Variants in DENND1A observed in about 807,000 individuals in gnomAD.
The protein encoded by DENND1A is DENN domain containing 1A, also known as DENN domain-containing protein 1A.
Under a neutral mutation model 113.7 loss-of-function variants are expected in DENND1A, and 51 were observed. The ratio of observed to expected loss-of-function variants is 0.45; its 90% CI spans 0.36 to 0.57. The LOEUF (loss-of-function observed/expected upper bound fraction) is 0.57. DENND1A is among the 20% of genes least tolerant of loss of function. The pLI, the probability that DENND1A is intolerant of heterozygous loss-of-function variation, is 0.00. For synonymous variants in DENND1A, 565 were observed against 570.8 expected (o/e 0.99, Z 0.14); for missense variants, 1,258 against 1,395.9 (o/e 0.90, Z 1.57).
chr9:123,680,952 G>A (rs1249646136), intron 5 of DENND1A, among the ~76,000 whole-genome samples: 1 of 152,158 alleles, frequency 6.6e-6, no homozygotes, highest in African/African-American at 2.4e-5. Flanking sequence ...AGACTCAGGT[G>A]AGGGGAGGAA....
At chr9:123,854,558 G>A (rs1207591204) in intron 2 of DENND1A, among the ~76,000 whole-genome samples, 1 of 151,908 alleles carries the variant, frequency 6.6e-6, no homozygotes, top group East Asian at 1.9e-4. Context: ...AGCCGGGTAT[G>A]GTGGCATGCA....
intron 5 of DENND1A, among the ~76,000 whole-genome samples, chr9:123,709,269 A>C (rs943088041): frequency 6.6e-6 from 1 of 152,108 alleles, no homozygotes; most frequent in African/African-American, 2.4e-5. Flanking sequence ...CTCCCGACCC[A>C]GGCCCCCCTC....
Position 123,450,708 on chromosome 9 carries a change from G to T in DENND1A, c.1341C>A (p.Asn447Lys). 1 of 1,610,040 alleles carries T rather than the reference G, an allele frequency of 6.2e-7. No homozygotes were observed. Among genetic ancestry groups the T allele is most frequent in the Non-Finnish European group, 8.5e-7 (1 of 1,178,912 alleles). Residue 447 changes from asparagine (N) to lysine (K), a missense_variant, in exon 18 of 24, where the codon AAC becomes AAA. Physicochemically the swap from Asn to Lys is moderately conservative, Grantham distance 94. This residue lies in a region of DENND1A where 1,159 missense variants were observed against 1,231.7 expected (regional missense o/e 0.94). Coordinates refer to ENST00000394215, the MANE Select transcript of DENND1A (RefSeq NM_001352964.2). Reference protein sequence around the residue: ...HAKMGIKEVKNRLKQKDIAEN... With the variant: ...HAKMGIKEVKKRLKQKDIAEN... ...CTTCAAGTACCTTTTGCTTCAAGCG[G>T]TTTTTCACCTCTTTTATTCCCATTT...
At chr9:123,888,956 C>CTGTGTGTGTGTGTGTGTGTGTGTGTG (rs58270598) in intron 1 of DENND1A, among the ~76,000 whole-genome samples, 1 of 131,104 alleles carries the variant, frequency 7.6e-6, no homozygotes, top group Non-Finnish European at 1.6e-5. Flanking sequence ...GTGCTTTAAA[C>CTGTGTGTGTGTGTGTGTGTGTGTGTG]TGTGTGTGTG....
chr9:123,582,386 A>G (rs2058944279), intron 12 of DENND1A, among the ~76,000 whole-genome samples: 2 of 151,534 alleles, frequency 1.3e-5, no homozygotes, highest in African/African-American at 4.9e-5. Context: ...TCAAGAAATA[A>G]ACCTTCTTCT....
intron 1 of DENND1A, among the ~76,000 whole-genome samples, chr9:123,910,631 C>A (rs754779794): frequency 3.9e-5 from 6 of 152,166 alleles, no homozygotes; most frequent in Non-Finnish European, 7.3e-5. Context: ...CTTAAGATCT[C>A]TTGTTAATCA....
intron 9 of DENND1A, among the ~76,000 whole-genome samples, chr9:123,639,075 GAAAAAAAAAGAA>G (rs2061880923): frequency 2.1e-5 from 2 of 95,358 alleles, no homozygotes; most frequent in African/African-American, 7.8e-5. Flanking sequence ...AAGAAAGAAA[GAAAAAAAAAGAA>G]AAAGAAAAAG....
intron 21 of DENND1A, among the ~76,000 whole-genome samples, chr9:123,393,772 G>A (rs1216254661): frequency 6.6e-6 from 1 of 152,168 alleles, no homozygotes; most frequent in Non-Finnish European, 1.5e-5. Flanking sequence ...AAGCAACGAC[G>A]ATAAGAATTC....
chr9:123,705,087 A>C (rs1303405505), intron 5 of DENND1A, among the ~76,000 whole-genome samples: 3 of 152,062 alleles, frequency 2.0e-5, no homozygotes, highest in East Asian at 1.9e-4. Flanking sequence ...AAAACAAACA[A>C]ACACATGAGA....
intron 3 of DENND1A, among the ~76,000 whole-genome samples, chr9:123,780,006 C>G (rs781618808): frequency 3.3e-5 from 5 of 150,726 alleles, no homozygotes; most frequent in Admixed American, 6.6e-5. Flanking sequence ...GGCGCCCCCC[C>G]ACCACGCCAG....
chr9:123,559,458 T>A (rs541257290), intron 12 of DENND1A, among the ~76,000 whole-genome samples: 1 of 152,294 alleles, frequency 6.6e-6, no homozygotes, highest in East Asian at 1.9e-4. Flanking sequence ...ATTTTTAGTA[T>A]GAATGAGTGA....
chr9:123,526,569 G>C (rs568091084), intron 13 of DENND1A, among the ~76,000 whole-genome samples: 4 of 151,980 alleles, frequency 2.6e-5, no homozygotes, highest in African/African-American at 9.7e-5. Flanking sequence ...CTCTACCTCC[G>C]CCACCTCGAC....
At chr9:123,926,943 C>T (rs1185112789) in intron 1 of DENND1A, among the ~76,000 whole-genome samples, 1 of 151,312 alleles carries the variant, frequency 6.6e-6, no homozygotes, top group African/African-American at 2.4e-5. Flanking sequence ...GGATGAAGGG[C>T]ACCTGGCCTA....
chr9:123,727,424 AT>A (rs2067786108), intron 5 of DENND1A, among the ~76,000 whole-genome samples: 1 of 152,228 alleles, frequency 6.6e-6, no homozygotes, highest in African/African-American at 2.4e-5. Flanking sequence ...GGAAAGAAAC[AT>A]GGATTCTGTC....
intron 13 of DENND1A, among the ~76,000 whole-genome samples, chr9:123,524,694 T>C (rs1360360876): frequency 1.3e-5 from 2 of 152,338 alleles, no homozygotes; most frequent in East Asian, 3.9e-4. Context: ...AATGACAATG[T>C]CTCAGGCTGC....
chr9:123,411,196 T>C (rs921224102), intron 20 of DENND1A: 1 of 152,088 alleles, frequency 6.6e-6, no homozygotes, highest in African/African-American at 2.4e-5. Context: ...TGGGCTCAAG[T>C]GATCCTCCCA....
intron 5 of DENND1A, among the ~76,000 whole-genome samples, chr9:123,715,978 G>T (rs750900282): frequency 3.3e-5 from 5 of 152,116 alleles, no homozygotes; most frequent in Non-Finnish European, 7.4e-5. Context: ...ACCCGGGTAG[G>T]CACTGGATCT....
chr9:123,928,776 C>A, intron 1 of DENND1A: 1 of 985,444 alleles, frequency 1.0e-6, no homozygotes, highest in Non-Finnish European at 1.2e-6. Flanking sequence ...TAGTTTCACC[C>A]TTAAGGCCCT....
At chr9:123,572,198 C>T (rs1366830202) in intron 12 of DENND1A, among the ~76,000 whole-genome samples, 2 of 152,124 alleles carry the variant, frequency 1.3e-5, no homozygotes, top group African/African-American at 4.8e-5. Context: ...TTTGCCTGTT[C>T]CAGAATACAA....
Sources: allele counts gnomAD v4.1 joint callset (sites outside exome capture counted in the v4.1 genomes callset), GRCh38; gene constraint gnomAD v4.1.1; regional missense constraint gnomAD v4.1.1; transcripts MANE v1.5; gene names NCBI Gene and HGNC (gene_info 2026-07-23, HGNC 2026-07-21).